Variants in DISC1 observed in about 807,000 individuals in gnomAD.
DISC1 encodes the protein disrupted in schizophrenia 1 protein.
DISC1 carries 57 observed loss-of-function variants against 84.5 expected under a neutral mutation model. The observed-to-expected ratio is 0.67, with a 90% CI of 0.55 to 0.84. The LOEUF is 0.84. Ranked by LOEUF, DISC1 falls within the 40% of genes least tolerant of loss-of-function variation. DISC1 has a pLI of 0.00. For synonymous variants in DISC1, 411 were observed against 415.2 expected (o/e 0.99, Z 0.12); for missense variants, 1,000 against 1,057.8 (o/e 0.95, Z 0.76).
At chr1:231,788,702 G>A (rs1291157196) in intron 6 of DISC1, among the ~76,000 whole-genome samples, 1 of 152,162 alleles carries the variant, frequency 6.6e-6, no homozygotes, top group Admixed American at 6.5e-5. Context: ...CTCATGAGTT[G>A]ACTCCAAGTT....
At chr1:231,657,770 T>C (rs1340251048) in intron 1 of DISC1, among the ~76,000 whole-genome samples, 1 of 152,228 alleles carries the variant, frequency 6.6e-6, no homozygotes, top group Non-Finnish European at 1.5e-5. Context: ...TTGTCTAGTT[T>C]GTTGAAGATC....
At chr1:231,788,378 G>A (rs1196049341) in intron 6 of DISC1, among the ~76,000 whole-genome samples, 1 of 152,156 alleles carries the variant, frequency 6.6e-6, no homozygotes, top group African/African-American at 2.4e-5. Flanking sequence ...TCCTTGGCTT[G>A]TAGATGATCA....
intron 1 of DISC1, among the ~76,000 whole-genome samples, chr1:231,665,918 C>T (rs926445886): frequency 3.9e-5 from 6 of 152,132 alleles, no homozygotes; most frequent in Non-Finnish European, 4.4e-5. Context: ...GTTTTCAGAG[C>T]GGCACTTCAT....
chr1:231,933,669 GA>G (rs1206026362), intron 9 of DISC1, among the ~76,000 whole-genome samples: 1 of 151,902 alleles, frequency 6.6e-6, no homozygotes, highest in Non-Finnish European at 1.5e-5. Context: ...TGAATTTCCA[GA>G]AAAAAAATTT....
At chr1:231,755,312 A>T (rs1468383289) in intron 4 of DISC1, among the ~76,000 whole-genome samples, 2 of 151,400 alleles carry the variant, frequency 1.3e-5, no homozygotes, top group Non-Finnish European at 2.9e-5. Context: ...AAGTGTTGGG[A>T]TTACAGGCAT....
At chr1:231,776,229 A>T (rs147051864) in intron 6 of DISC1, among the ~76,000 whole-genome samples, 116 of 152,296 alleles carry the variant, frequency 7.6e-4, no homozygotes, top group African/African-American at 2.6e-3. Flanking sequence ...CACAGTGATG[A>T]CGTGGAGGGC....
chr1:232,031,256 GAAAGAAAGAT>G lies in DISC1; in HGVS notation c.2425+4714_2425+4723del, dbSNP rs796073866. Among the ~76,000 whole-genome samples, 1 of 144,564 alleles carries G rather than the reference GAAAGAAAGAT, an allele frequency of 6.9e-6. No homozygotes were observed. Among genetic ancestry groups the G allele is most frequent in the Non-Finnish European group, 1.5e-5 (1 of 66,330 alleles). The allele number at this position is 144,564 out of a possible 152,430, so 94.8% of individuals were successfully genotyped here. A position where few individuals can be genotyped will look rare whatever the true frequency, so the allele number is the denominator to read the frequency against. On this transcript the variant is annotated intron_variant, in intron 12 of 12. Coordinates refer to ENST00000439617, the MANE Select transcript of DISC1 (RefSeq NM_018662.3). The surrounding 1 kb of genome is among the most constrained non-coding windows in gnomAD (Gnocchi z 4.6). ...GAGAAAGAGAGGAAGGAAGGAAGGA[GAAAGAAAGAT>G]AAAGAAAGAAAAAGAAAGAAAAGAG...
At chr1:231,748,051 A>G (rs2074205166) in intron 3 of DISC1, among the ~76,000 whole-genome samples, 1 of 152,214 alleles carries the variant, frequency 6.6e-6, no homozygotes, top group African/African-American at 2.4e-5. Context: ...TTGTCCATGT[A>G]TAGAAATGCC....
At chr1:231,898,424 G>T (rs1470599516) in intron 9 of DISC1, among the ~76,000 whole-genome samples, 1 of 152,204 alleles carries the variant, frequency 6.6e-6, no homozygotes, top group East Asian at 1.9e-4. Context: ...TCTGTGCTGG[G>T]CAGAGTGAGT....
chr1:231,915,605 C>T (rs1242742213), intron 9 of DISC1, among the ~76,000 whole-genome samples: 6 of 152,080 alleles, frequency 3.9e-5, no homozygotes, highest in Non-Finnish European at 7.3e-5. Context: ...GGTGAAACCC[C>T]GTCTCTACTA....
chr1:231,709,001 T>C (rs1464287536), intron 3 of DISC1, among the ~76,000 whole-genome samples: 3 of 152,232 alleles, frequency 2.0e-5, no homozygotes, highest in Non-Finnish European at 4.4e-5. Flanking sequence ...TCCTCTTACT[T>C]TAAGTAAAAA....
At chr1:231,953,293 A>G (rs1658820621) in intron 9 of DISC1, among the ~76,000 whole-genome samples, 1 of 152,186 alleles carries the variant, frequency 6.6e-6, no homozygotes, top group African/African-American at 2.4e-5. Flanking sequence ...TTCATGGTTG[A>G]TATTTCCATT....
At chr1:231,775,097 G>A (rs143238269) in intron 6 of DISC1, among the ~76,000 whole-genome samples, 126 of 152,268 alleles carry the variant, frequency 8.3e-4, no homozygotes, top group Middle Eastern at 3.4e-3. Flanking sequence ...GACTAGTATT[G>A]TTACAAAACC....
intron 1 of DISC1, among the ~76,000 whole-genome samples, chr1:231,671,701 C>T (rs913704283): frequency 2.0e-5 from 3 of 152,080 alleles, no homozygotes; most frequent in Non-Finnish European, 4.4e-5. Context: ...TTTTAAGAAG[C>T]AATATAGTGT....
At chr1:231,781,824 G>A (rs1465576726) in intron 6 of DISC1, among the ~76,000 whole-genome samples, 2 of 152,226 alleles carry the variant, frequency 1.3e-5, no homozygotes, top group African/African-American at 2.4e-5. Context: ...TCTGGGAGAA[G>A]AGCAGAAGTT....
chr1:232,030,652 C>T (rs200320731), intron 12 of DISC1, among the ~76,000 whole-genome samples: 1 of 152,142 alleles, frequency 6.6e-6, no homozygotes, highest in East Asian at 1.9e-4. Context: ...TCCGTAGGAC[C>T]CTTGTTTAGT....
chr1:231,701,879 T>C, intron 2 of DISC1, 76 bp from the exon 3 acceptor site: 1 of 1,265,616 alleles, frequency 7.9e-7, no homozygotes, highest in Admixed American at 2.3e-5. Context: ...AGTTTCTAAA[T>C]GTTCTTAGTT....
At chr1:231,866,554 A>G in intron 9 of DISC1, 1 of 947,362 alleles carries the variant, frequency 1.1e-6, no homozygotes, top group Middle Eastern at 2.1e-4. Context: ...AGTCCTGGAC[A>G]CAGAGAAGTC....
rs1049931654 is a variant in DISC1 at position 232,009,097 on chromosome 1, G to T, written c.2307+48G>T. The T allele has an allele frequency of 8.1e-6, 13 of 1,612,254 alleles. No individual in the cohort carries two copies. The highest frequency in any genetic ancestry group is 1.3e-5 in the African/African-American group (1 of 74,872). ...CCAGAGGGGACCCTTATTCTAAGGG[G>T]TGCTTTGGGACCATGCTCCAAATGG... On this transcript the variant is annotated intron_variant, in intron 11 of 12. Transcript: ENST00000439617. This position sits in a 1 kb window ranked among gnomAD's most constrained non-coding sequence, Gnocchi z 4.6.
Sources: allele counts gnomAD v4.1 joint callset (sites outside exome capture counted in the v4.1 genomes callset), GRCh38; gene constraint gnomAD v4.1.1; non-coding constraint Gnocchi (gnomAD v3.1); transcripts MANE v1.5; gene names NCBI Gene and HGNC (gene_info 2026-07-23, HGNC 2026-07-21).